The following ANKRD28 variants were observed in gnomAD, a reference collection of about 807,000 sequenced individuals.
ANKRD28 encodes the protein serine/threonine-protein phosphatase 6 regulatory ankyrin repeat subunit A.
In ANKRD28, 44 loss-of-function variants were observed where a neutral mutation model predicts 126.5. The observed-to-expected ratio is 0.35, with a 90% CI of 0.27 to 0.45. The LOEUF is 0.45. ANKRD28 is among the 20% of genes least tolerant of loss of function. The pLI, the probability that ANKRD28 is intolerant of heterozygous loss-of-function variation, is 1.00. For missense variants in ANKRD28, 1,110 were observed against 1,316.6 expected (o/e 0.84, Z 2.43); for synonymous variants, 442 against 468.5 (o/e 0.94, Z 0.73).
At position 15,707,966 on chromosome 3, in the gene ANKRD28, C is replaced by T; in HGVS notation, c.1505G>A (p.Cys502Tyr). 6.2e-7 allele frequency: 1 copy of T among 1,612,934 alleles called. No individual in the cohort carries two copies. The change falls in exon 14 of 28, where the codon TGC (cysteine) becomes TAC (tyrosine). Residue 502 changes from cysteine to tyrosine, a missense_variant. By Grantham distance (194) the Cys-to-Tyr change is radical. Coordinates refer to ENST00000683139, the MANE Select transcript of ANKRD28 (RefSeq NM_001349278.2). ...ASVNDLDERG[C>Y]TPLHYAATSD... ...TGTAGCTGCATAGTGCAGGGGTGTG[C>T]AGCCTCTTTCATCAAGGTCATTCAC...
intron 2 of ANKRD28, among the ~76,000 whole-genome samples, chr3:15,788,902 C>T (rs570912527): frequency 5.3e-5 from 8 of 151,488 alleles, no homozygotes; most frequent in Non-Finnish European, 8.9e-5. Context: ...ACACATTTAC[C>T]CCCCCAAAAA....
intron 2 of ANKRD28, among the ~76,000 whole-genome samples, chr3:15,778,130 TA>T (rs1282734995): frequency 6.6e-6 from 1 of 152,176 alleles, no homozygotes; most frequent in Non-Finnish European, 1.5e-5. Context: ...TAGGTGTCCA[TA>T]GCACTCTGAA....
At chr3:15,766,806 C>A (rs2058760276) in intron 2 of ANKRD28, among the ~76,000 whole-genome samples, 1 of 152,078 alleles carries the variant, frequency 6.6e-6, no homozygotes, top group Admixed American at 6.5e-5. Context: ...TCTAAAATGA[C>A]AAAGAAATAG....
At chr3:15,710,710 T>C (rs2072151606) in intron 12 of ANKRD28, among the ~76,000 whole-genome samples, 1 of 152,214 alleles carries the variant, frequency 6.6e-6, no homozygotes, top group African/African-American at 2.4e-5. Context: ...GTTGCTCGTA[T>C]GAACCAACTG....
At chr3:15,855,378 A>G (rs1042637284) in intron 1 of ANKRD28, among the ~76,000 whole-genome samples, 1 of 142,570 alleles carries the variant, frequency 7.0e-6, no homozygotes, top group African/African-American at 2.5e-5. Context: ...CCTTAAACAT[A>G]TCAGTCCTCA....
At chr3:15,671,984 ATGT>A (rs1166873776) in intron 27 of ANKRD28, among the ~76,000 whole-genome samples, 1 of 152,144 alleles carries the variant, frequency 6.6e-6, no homozygotes, top group African/African-American at 2.4e-5. Flanking sequence ...AAATTTATCA[ATGT>A]TGTATGTAAC....
chr3:15,859,395 G>C (rs1217104699), exon 1 of ANKRD28: 1 of 1,528,800 alleles, frequency 6.5e-7, no homozygotes, highest in Non-Finnish European at 8.8e-7. Context: ...GGAGTTTGAG[G>C]AACGCCATGG....
At chr3:15,767,576 T>G (rs1006283147) in intron 2 of ANKRD28, among the ~76,000 whole-genome samples, 2 of 151,588 alleles carry the variant, frequency 1.3e-5, no homozygotes, top group Non-Finnish European at 2.9e-5. Flanking sequence ...AGACAACTAC[T>G]CTAGGCTGGG....
chr3:15,689,506 A>G (rs1054603996), intron 18 of ANKRD28, among the ~76,000 whole-genome samples: 1 of 152,260 alleles, frequency 6.6e-6, no homozygotes, highest in African/African-American at 2.4e-5. Flanking sequence ...GAGAGGCCAC[A>G]GGAGGAAGGG....
intron 4 of ANKRD28, among the ~76,000 whole-genome samples, chr3:15,743,036 A>C (rs2057208082): frequency 6.6e-6 from 1 of 152,008 alleles, no homozygotes; most frequent in South Asian, 2.1e-4. Flanking sequence ...TACTAAGAAA[A>C]ATTCTTCTGC....
chr3:15,851,590 AAAG>A (rs2061653038), intron 1 of ANKRD28, among the ~76,000 whole-genome samples: 1 of 150,046 alleles, frequency 6.7e-6, no homozygotes, highest in African/African-American at 2.5e-5. Context: ...TAAATAAATA[AAAG>A]AGATACAACT....
In ANKRD28 at chr3:15,839,523, G is replaced by T. The variant is rs2125963919; in HGVS notation, c.27+19854C>A. ...TGGCTCAGATAGAGGGCTACTTGAA[G>T]AGTGGGTCAAATTTCCATCTGCAGG... is the stretch of plus-strand genomic sequence containing the variant. On this transcript the variant is annotated intron_variant, in intron 1 of 27. Transcript: ENST00000399451. The surrounding 1 kb of genome is among the most constrained non-coding windows in gnomAD (Gnocchi z 4.3). Among the ~76,000 whole-genome samples the T allele has an allele frequency of 6.6e-6, 1 of 152,194 alleles. No individual in the cohort carries two copies. The highest frequency in any genetic ancestry group is 1.9e-4 in the East Asian group (1 of 5,180).
At position 15,830,161 on chromosome 3, in the gene ANKRD28, A is replaced by T. The variant is rs2061158318; in HGVS notation, c.27+29216T>A. 6.6e-6 allele frequency among the ~76,000 whole-genome samples: 1 copy of T among 152,200 alleles called. No homozygotes were observed. Among genetic ancestry groups the T allele is most frequent in the Non-Finnish European group, 1.5e-5 (1 of 68,040 alleles). On this transcript the variant is annotated intron_variant, in intron 1 of 27. Coordinates refer to the ANKRD28 transcript ENST00000399451. The surrounding 1 kb of genome is among the most constrained non-coding windows in gnomAD (Gnocchi z 4.5). ...GTGCCACTAACTTGATTCCTAATAC[A>T]TCAGCAGTAAGTACTATTACTTTTG...
chr3:15,749,355 A>G (rs1047668578), intron 4 of ANKRD28, among the ~76,000 whole-genome samples: 5 of 145,160 alleles, frequency 3.4e-5, no homozygotes, highest in African/African-American at 1.3e-4. Context: ...CTCATGATCC[A>G]CCCGCCTCGG....
In ANKRD28 at chr3:15,853,744, C is replaced by T. The variant is rs1338365843; in HGVS notation, c.27+5633G>A. Among the ~76,000 whole-genome samples, 1 of 152,136 alleles carries T rather than the reference C, an allele frequency of 6.6e-6. No homozygotes were observed. The highest frequency in any genetic ancestry group is 2.4e-5 in the African/African-American group (1 of 41,432). On this transcript the variant is annotated intron_variant, in intron 1 of 27. Transcript: ENST00000399451. The surrounding 1 kb of genome is among the most constrained non-coding windows in gnomAD (Gnocchi z 4.2). Reference sequence around the variant, plus strand: ...TCGGTCTCCCAAAGTGCTGGGATTACAGGCATGAGCCACCGCGCCCGGCCC... The same window carrying T: ...TCGGTCTCCCAAAGTGCTGGGATTATAGGCATGAGCCACCGCGCCCGGCCC...
At chr3:15,682,080 C>CA (rs1305641635) in intron 21 of ANKRD28, among the ~76,000 whole-genome samples, 7 of 150,768 alleles carry the variant, frequency 4.6e-5, no homozygotes, top group Admixed American at 2.0e-4. Flanking sequence ...TGGGGTGACG[C>CA]AAAAAAAATA....
At chr3:15,785,348 A>C (rs1023840610) in intron 2 of ANKRD28, among the ~76,000 whole-genome samples, 3 of 152,134 alleles carry the variant, frequency 2.0e-5, no homozygotes, top group Admixed American at 1.3e-4. Flanking sequence ...AAAATCTACA[A>C]AGAAATCCCA....
chr3:15,847,095 C>G (rs1417548459), intron 1 of ANKRD28, among the ~76,000 whole-genome samples: 2 of 152,118 alleles, frequency 1.3e-5, no homozygotes, highest in Non-Finnish European at 2.9e-5. Context: ...TTCAGCAGGT[C>G]TAATAGGATC....
At chr3:15,736,960 A>C (rs946944041) in intron 5 of ANKRD28, 73 bp downstream of exon 5, 2 of 1,498,418 alleles carry the variant, frequency 1.3e-6, no homozygotes, top group African/African-American at 1.4e-5. Flanking sequence ...ACTATGCAAA[A>C]ATGCAAGTTC....
Sources: allele counts gnomAD v4.1 joint callset (sites outside exome capture counted in the v4.1 genomes callset), GRCh38; gene constraint gnomAD v4.1.1; non-coding constraint Gnocchi (gnomAD v3.1); transcripts MANE v1.5; gene names NCBI Gene and HGNC (gene_info 2026-07-23, HGNC 2026-07-21).